Variants in UBAP2L observed in about 807,000 individuals in gnomAD.
UBAP2L encodes ubiquitin-associated protein 2-like.
A neutral mutation model predicts 130.6 loss-of-function variants in UBAP2L; 12 were observed. The observed-to-expected ratio is 0.09, with a 90% CI of 0.06 to 0.15. UBAP2L has a LOEUF of 0.15. Ranked by LOEUF, UBAP2L falls within the 10% of genes least tolerant of loss-of-function variation. The probability of loss-of-function intolerance (pLI) is 1.00; values close to 1 mark genes in which losing one functional copy is unlikely to be tolerated. For synonymous variants in UBAP2L, 503 were observed against 524.7 expected, an observed-to-expected ratio of 0.96 and a Z score of 0.57; for missense variants, 965 against 1,332.5, an observed-to-expected ratio of 0.72 and a Z score of 4.29.
intron 14 of UBAP2L, among the ~76,000 whole-genome samples, chr1:154,253,204 A>G (rs1231874607): frequency 2.6e-5 from 4 of 151,044 alleles, no homozygotes; most frequent in African/African-American, 7.3e-5. Flanking sequence ...AGGTTTCGCC[A>G]TGTTGGCCAG....
Position 154,270,373 on chromosome 1 carries a change from G to A in UBAP2L, c.*78G>A. 1 of 1,594,918 alleles carries A rather than the reference G, an allele frequency of 6.3e-7. No individual in the cohort carries two copies. The highest frequency in any genetic ancestry group is 1.1e-5 in the South Asian group (1 of 89,248). ...GAAACTATGGAAACAGCATCAAAGA[G>A]AAAGGAATGTGGGGGGTTTCCGCTG... is the stretch of plus-strand genomic sequence containing the variant. On this transcript the variant is annotated 3_prime_UTR_variant, in exon 27 of 27. Coordinates refer to ENST00000428931, the MANE Select transcript of UBAP2L (RefSeq NM_014847.4).
chr1:154,246,828 T>G (rs1675677735), intron 11 of UBAP2L, among the ~76,000 whole-genome samples: 1 of 152,146 alleles, frequency 6.6e-6, no homozygotes, highest in Admixed American at 6.5e-5. Context: ...GTCTTCCCAT[T>G]TCTGCCACTT....
At chr1:154,270,083 G>A (rs1197679816) in intron 26 of UBAP2L, 117 bp from the exon 27 acceptor site, 1 of 1,293,056 alleles carries the variant, frequency 7.7e-7, no homozygotes, top group Non-Finnish European at 1.1e-6. Context: ...GGTTCTAATA[G>A]TAGTGAGGGG....
chr1:154,236,496 G>T, intron 6 of UBAP2L, 70 bp from the exon 7 acceptor site: 7 of 1,565,332 alleles, frequency 4.5e-6, no homozygotes. Context: ...CACTGTGCCT[G>T]CCTGGCAAGG....
intron 2 of UBAP2L, among the ~76,000 whole-genome samples, chr1:154,226,559 C>G (rs958356314): frequency 2.0e-5 from 3 of 152,136 alleles, no homozygotes; most frequent in Non-Finnish European, 4.4e-5. Flanking sequence ...AGTATCTGAA[C>G]ATACACTGGA....
chr1:154,239,929 C>T (rs1198824459), intron 8 of UBAP2L, among the ~76,000 whole-genome samples: 1 of 152,040 alleles, frequency 6.6e-6, no homozygotes, highest in Non-Finnish European at 1.5e-5. Flanking sequence ...TTAGGATTTC[C>T]CTGGTGCAAT....
intron 2 of UBAP2L, among the ~76,000 whole-genome samples, chr1:154,225,844 C>G (rs1416119297): frequency 1.3e-5 from 2 of 152,240 alleles, no homozygotes; most frequent in African/African-American, 4.8e-5. Context: ...GACGGAGTCT[C>G]GCTCTGTTGC....
At chr1:154,225,745 G>A (rs906973332) in intron 2 of UBAP2L, among the ~76,000 whole-genome samples, 7 of 152,108 alleles carry the variant, frequency 4.6e-5, no homozygotes, top group Non-Finnish European at 1.0e-4. Flanking sequence ...TCTTAAGATA[G>A]CATTTCCCTT....
At chr1:154,262,310 A>AT (rs1490783183) in intron 24 of UBAP2L, among the ~76,000 whole-genome samples, 3 of 152,080 alleles carry the variant, frequency 2.0e-5, no homozygotes, top group Admixed American at 2.0e-4. Flanking sequence ...TGCATATGTG[A>AT]TGGCAGGGAG....
chr1:154,228,416 A>G (rs1668690877), intron 3 of UBAP2L, among the ~76,000 whole-genome samples, 199 bp from the exon 4 acceptor site: 1 of 151,472 alleles, frequency 6.6e-6, no homozygotes, highest in Non-Finnish European at 1.5e-5. Context: ...CAAACTCCTG[A>G]CCTCAGGTGA....
chr1:154,245,633 G>A (rs1044091972), intron 10 of UBAP2L, among the ~76,000 whole-genome samples: 3 of 152,076 alleles, frequency 2.0e-5, no homozygotes, highest in African/African-American at 4.8e-5. Context: ...ATTTGAGGCC[G>A]GGTGCGGTGC....
chr1:154,260,086 C>A, intron 22 of UBAP2L, 57 bp downstream of exon 22: 1 of 1,539,046 alleles, frequency 6.5e-7, no homozygotes, highest in Non-Finnish European at 9.0e-7. Context: ...GGATTGATGG[C>A]AGACACCTGA....
At chr1:154,230,900 G>A (rs1172836937) in intron 4 of UBAP2L, among the ~76,000 whole-genome samples, 2 of 152,208 alleles carry the variant, frequency 1.3e-5, no homozygotes, top group East Asian at 3.8e-4. Flanking sequence ...TGTGCATACA[G>A]AGGAGGGAGA....
intron 4 of UBAP2L, among the ~76,000 whole-genome samples, chr1:154,229,894 T>C (rs1398774288): frequency 6.6e-6 from 1 of 152,208 alleles, no homozygotes; most frequent in Non-Finnish European, 1.5e-5. Context: ...CTTGCTCTTG[T>C]TGCCCAGGCT....
intron 8 of UBAP2L, among the ~76,000 whole-genome samples, chr1:154,238,681 TA>T (rs1442199641): frequency 6.6e-6 from 1 of 152,176 alleles, no homozygotes; most frequent in Non-Finnish European, 1.5e-5. Flanking sequence ...ATCGTCTTGT[TA>T]GTGCAAAAGT....
Position 154,254,101 on chromosome 1 carries a change from A to T in UBAP2L, c.1854+12A>T, listed in dbSNP as rs1417732242. Reference sequence around the variant, plus strand: ...TGACTCAGGCAAAGGTAGTGGCTTCATGAACCCTTGGGAATTGGTTAGGAG... The same window carrying T: ...TGACTCAGGCAAAGGTAGTGGCTTCTTGAACCCTTGGGAATTGGTTAGGAG... On this transcript the variant is annotated intron_variant, in intron 15 of 26. Transcript: ENST00000428931. 6.6e-7 allele frequency: 1 copy of T among 1,517,548 alleles called. No individual in the cohort carries two copies. Among genetic ancestry groups the T allele is most frequent in the Non-Finnish European group, 8.8e-7 (1 of 1,137,426 alleles). The allele number at this position is 1,517,548 out of a possible 1,614,324, so 94.0% of individuals were successfully genotyped here.
At chr1:154,220,861 G>A (rs1665654057), upstream of UBAP2L, 1 of 162,932 alleles carries the variant, frequency 6.1e-6, no homozygotes, top group South Asian at 1.1e-4. Flanking sequence ...GTGGGCGGGG[G>A]AAGGCGCGAG....
chr1:154,223,151 A>G (rs558998586), intron 1 of UBAP2L, among the ~76,000 whole-genome samples: 1 of 152,300 alleles, frequency 6.6e-6, no homozygotes, highest in African/African-American at 2.4e-5. Context: ...ATTTCGAAGC[A>G]CTTGTAAGAG....
chr1:154,254,220 G>A (rs777831751), intron 15 of UBAP2L, 131 bp downstream of exon 15: 1 of 837,998 alleles, frequency 1.2e-6, no homozygotes, highest in Non-Finnish European at 1.7e-6. Flanking sequence ...ATTTGAAAAA[G>A]GCACACATCT....
Sources: allele counts gnomAD v4.1 joint callset (sites outside exome capture counted in the v4.1 genomes callset), GRCh38; gene constraint gnomAD v4.1.1; transcripts MANE v1.5; gene names NCBI Gene and HGNC (gene_info 2026-07-23, HGNC 2026-07-21).